TLCD5: variants seen among roughly 807,000 people sequenced by gnomAD.
TLCD5 encodes TLC domain containing 5.
TLCD5 carries 15 observed loss-of-function variants against 20.5 expected under a neutral mutation model. That is an observed-to-expected ratio of 0.73 (90% CI 0.49 to 1.13). The LOEUF (loss-of-function observed/expected upper bound fraction) is 1.13, where lower values mean the gene tolerates loss of function less well. Ranked by LOEUF, TLCD5 falls within the 50% of genes most tolerant of loss-of-function variation. The probability of loss-of-function intolerance (pLI) is 0.00; values close to 1 mark genes in which losing one functional copy is unlikely to be tolerated. For missense variants in TLCD5, 289 were observed against 305.6 expected (o/e 0.95, Z 0.41); for synonymous variants, 107 against 114.7 (o/e 0.93, Z 0.43).
At chr11:120,328,470 T>C (rs1476963017) in intron 2 of TLCD5, among the ~76,000 whole-genome samples, 1 of 152,168 alleles carries the variant, frequency 6.6e-6, no homozygotes, top group East Asian at 1.9e-4. Context: ...CAGATGTTCA[T>C]TTTCTTAAAA....
chr11:120,326,961 T>C (rs1942014677), intron 1 of TLCD5, among the ~76,000 whole-genome samples: 2 of 152,240 alleles, frequency 1.3e-5, no homozygotes, highest in Admixed American at 6.5e-5. Flanking sequence ...GAATTTAGTA[T>C]CAGCTTAAAA....
chr11:120,330,640 C>A lies in TLCD5; in HGVS notation c.*125C>A. ...TCAATAAAGGGCTAAATGTATTGAT[C>A]AATTTGGTCAGTCTTCAAGCCGAGC... On this transcript the variant is annotated 3_prime_UTR_variant, in exon 3 of 3. Coordinates refer to ENST00000375095, the MANE Select transcript of TLCD5 (RefSeq NM_001198671.2). 1 of 1,142,970 alleles carries A rather than the reference C, an allele frequency of 8.7e-7. No homozygotes were observed. Among genetic ancestry groups the A allele is most frequent in the Non-Finnish European group, 1.2e-6 (1 of 830,982 alleles). The allele number at this position is 1,142,970 out of a possible 1,614,324, so 70.8% of individuals were successfully genotyped here. A position where few individuals can be genotyped will look rare whatever the true frequency, so the allele number is the denominator to read the frequency against.
intron 1 of TLCD5, 99 bp from the exon 2 acceptor site, chr11:120,327,342 T>C (rs985971286): frequency 8.2e-6 from 13 of 1,581,368 alleles, no homozygotes; most frequent in Admixed American, 1.8e-5. Flanking sequence ...ATTTTTGAAC[T>C]ATTCTATAAT....
intron 2 of TLCD5, among the ~76,000 whole-genome samples, chr11:120,328,924 GTGTGTGTGTGTGTGTGTGTGTT>G (rs1942078714): frequency 5.6e-5 from 8 of 143,470 alleles, no homozygotes; most frequent in East Asian, 2.0e-4. Context: ...CATAGTGTGT[GTGTGTGTGTGTGTGTGTGTGTT>G]TGTGTATGTT....
In TLCD5 at chr11:120,330,549, G is replaced by A. The variant is rs758077791; in HGVS notation, c.*34G>A. ...TGCTCCAGATTATGGATTGGGTTAA[G>A]TCAGCCATGGGAACCAGGTTGGAAA... On this transcript the variant is annotated 3_prime_UTR_variant, in exon 3 of 3. Coordinates refer to ENST00000375095, the MANE Select transcript of TLCD5 (RefSeq NM_001198671.2). The A allele has an allele frequency of 1.9e-6, 3 of 1,573,308 alleles. No homozygotes were observed. Among genetic ancestry groups the A allele is most frequent in the Non-Finnish European group, 2.6e-6 (3 of 1,159,470 alleles).
In TLCD5 at chr11:120,330,090, C is replaced by T. The variant is rs1400200591; in HGVS notation, c.313C>T (p.His105Tyr). ...FQSEGALMLA[H>Y]HTLSILGIIM... ...GTCTGAGGGTGCCTTGATGCTGGCT[C>T]ATCACACATTGAGTATCTTGGGCAT... Residue 105 changes from histidine (H) to tyrosine (Y), a missense_variant, in exon 3 of 3, where the codon CAT becomes TAT. His to Tyr is a moderately conservative substitution (Grantham distance 83). Coordinates refer to ENST00000375095, the MANE Select transcript of TLCD5 (RefSeq NM_001198671.2). The T allele has an allele frequency of 6.2e-7, 1 of 1,614,170 alleles. No individual in the cohort carries two copies. The highest frequency in any genetic ancestry group is 8.5e-7 in the Non-Finnish European group (1 of 1,180,028).
chr11:120,327,365 A>G (rs1942024322), intron 1 of TLCD5, 76 bp from the exon 2 acceptor site: 4 of 1,611,268 alleles, frequency 2.5e-6, no homozygotes, highest in East Asian at 4.5e-5. Flanking sequence ...AAATGAGGAT[A>G]TATACACAAA....
Position 120,329,982 on chromosome 11 carries a change from C to A in TLCD5, c.205C>A (p.Pro69Thr). The A allele has an allele frequency of 6.2e-7, 1 of 1,611,926 alleles. No homozygotes were observed. Among genetic ancestry groups the A allele is most frequent in the South Asian group, 1.1e-5 (1 of 90,650 alleles). ...GPWPFTHPGS[P>T]NTPLQVHVLC... The stretch of plus-strand genomic sequence containing the variant: ...TCTGTCTTGGTTTGTTTCAGGCTCA[C>A]CCAATACACCTCTCCAAGTTCATGT... Residue 69 changes from proline (P) to threonine (T), a missense_variant, in exon 3 of 3, where the codon CCC becomes ACC. By Grantham distance (38) the Pro-to-Thr change is conservative. Coordinates refer to ENST00000375095, the MANE Select transcript of TLCD5 (RefSeq NM_001198671.2).
rs894693895 is a variant in TLCD5 at position 120,332,514 on chromosome 11, G to C, written c.*1999G>C. 1 of 152,258 alleles carries C rather than the reference G, an allele frequency of 6.6e-6. No homozygotes were observed. The highest frequency in any genetic ancestry group is 1.5e-5 in the Non-Finnish European group (1 of 68,206). 9.4% of individuals were successfully genotyped at this position (152,258 alleles called of 1,614,324 possible). On this transcript the variant is annotated 3_prime_UTR_variant, in exon 3 of 3. Coordinates refer to ENST00000375095, the MANE Select transcript of TLCD5 (RefSeq NM_001198671.2). The surrounding 1 kb of genome is among the most constrained non-coding windows in gnomAD (Gnocchi z 4.2). ...CACTGGTAATCTAACGTAATGAATG[G>C]TGTCTTTTGTTGTTGTTGTTGTTGT...
Position 120,333,648 on chromosome 11 carries a change from C to T in TLCD5, c.*3133C>T, listed in dbSNP as rs557831490. The T allele has an allele frequency of 1.8e-4, 27 of 152,196 alleles. No individual in the cohort carries two copies. Among genetic ancestry groups the T allele is most frequent in the African/African-American group, 6.3e-4 (26 of 41,522 alleles). 9.4% of individuals were successfully genotyped at this position (152,196 alleles called of 1,614,324 possible). A position where few individuals can be genotyped will look rare whatever the true frequency, so the allele number is the denominator to read the frequency against. On this transcript the variant is annotated 3_prime_UTR_variant, in exon 3 of 3. Transcript: ENST00000375095. The surrounding 1 kb of genome is among the most constrained non-coding windows in gnomAD (Gnocchi z 4.5). Reference sequence around the variant, plus strand: ...GATTTATATTTCCATAAGATTTGTACTAAATTTTATAAAAGTAAAACAACT... The same window carrying T: ...GATTTATATTTCCATAAGATTTGTATTAAATTTTATAAAAGTAAAACAACT...
rs767430831 is a variant in TLCD5 at position 120,330,512 on chromosome 11, C to T, written c.735C>T (p.His245=). The change falls in exon 3 of 3, where the codon CAC becomes CAT. Residue 245 remains histidine, a synonymous_variant. Transcript: ENST00000375095. ...QLKHNGHLKI[H] Reference sequence around the variant, plus strand: ...AACACAACGGACATCTCAAAATACACTAGCCAAGGCTTGCTCCAGATTATG... The same window carrying T: ...AACACAACGGACATCTCAAAATACATTAGCCAAGGCTTGCTCCAGATTATG... The T allele has an allele frequency of 1.2e-6, 2 of 1,605,876 alleles. No homozygotes were observed. Among genetic ancestry groups the T allele is most frequent in the African/African-American group, 2.7e-5 (2 of 74,836 alleles).
Position 120,330,603 on chromosome 11 carries a change from C to T in TLCD5, c.*88C>T. 7.0e-7 allele frequency: 1 copy of T among 1,427,158 alleles called. No individual in the cohort carries two copies. The highest frequency in any genetic ancestry group is 9.3e-7 in the Non-Finnish European group (1 of 1,071,136). 88.4% of individuals were successfully genotyped at this position (1,427,158 alleles called of 1,614,324 possible). A position where few individuals can be genotyped will look rare whatever the true frequency, so the allele number is the denominator to read the frequency against. ...GACTGTTACATAATTACACTTATAA[C>T]AAACTTAGGTTTCAATAAAGGGCTA... On this transcript the variant is annotated 3_prime_UTR_variant, in exon 3 of 3. Coordinates refer to ENST00000375095, the MANE Select transcript of TLCD5 (RefSeq NM_001198671.2).
At position 120,330,056 on chromosome 11, in the gene TLCD5, C is replaced by A. The variant is rs1475192276; in HGVS notation, c.279C>A (p.Val93=). The part of the protein sequence containing the change: ...GYFIFDLGWC[V]YFQSEGALML... ...TCATCTTCGACTTGGGCTGGTGCGT[C>A]TACTTTCAGTCTGAGGGTGCCTTGA... The change falls in exon 3 of 3, where the codon GTC becomes GTA. Residue 93 remains valine, a synonymous_variant. Coordinates refer to ENST00000375095, the MANE Select transcript of TLCD5 (RefSeq NM_001198671.2). 6.2e-7 allele frequency: 1 copy of A among 1,614,196 alleles called. No individual in the cohort carries two copies. The highest frequency in any genetic ancestry group is 8.5e-7 in the Non-Finnish European group (1 of 1,180,038).
At chr11:120,327,763 C>T (rs1197421195) in intron 2 of TLCD5, 123 bp downstream of exon 2, 9 of 970,964 alleles carry the variant, frequency 9.3e-6, no homozygotes, top group Non-Finnish European at 1.3e-5. Context: ...TATTGGAATC[C>T]TTATTCTTCT....
chr11:120,328,952 A>ATG (rs1942082314), intron 2 of TLCD5, among the ~76,000 whole-genome samples: 2 of 26,628 alleles, frequency 7.5e-5, no homozygotes, highest in African/African-American at 1.7e-4. Flanking sequence ...GTGTTTGTGT[A>ATG]TGTTTATGTA....
rs1942172252 is a variant in TLCD5, at chr11:120,332,290, A to C, written c.*1775A>C. On this transcript the variant is annotated 3_prime_UTR_variant, in exon 3 of 3. Transcript: ENST00000375095. The surrounding 1 kb of genome is among the most constrained non-coding windows in gnomAD (Gnocchi z 4.2). ...ATACCCTGTAGTATATTTCATAAAT[A>C]CATTATGTGGCATTTTATTAATGGA... 1 of 152,240 alleles carries C rather than the reference A, an allele frequency of 6.6e-6. No individual in the cohort carries two copies. The highest frequency in any genetic ancestry group is 2.4e-5 in the African/African-American group (1 of 41,456). 9.4% of individuals were successfully genotyped at this position (152,240 alleles called of 1,614,324 possible). A position where few individuals can be genotyped will look rare whatever the true frequency, so the allele number is the denominator to read the frequency against.
chr11:120,330,466 G>A lies in TLCD5; in HGVS notation c.689G>A (p.Arg230Gln), dbSNP rs991960155. ...AAGTACCATGCTTGGAGAAGCAGGC[G>A]GAGTGAGGAACGGCAGCTGAAACAC... is the stretch of plus-strand genomic sequence containing the variant. ...IKKYHAWRSR[R>Q]SEERQLKHNG... The change falls in exon 3 of 3, where the codon CGG becomes CAG. Residue 230 changes from arginine to glutamine, a missense_variant. By Grantham distance (43) the Arg-to-Gln change is conservative. Transcript: ENST00000375095. 1.1e-5 allele frequency: 17 copies of A among 1,613,972 alleles called. No homozygotes were observed. The highest frequency in any genetic ancestry group is 5.5e-5 in the South Asian group (5 of 91,062).
rs1942160916 is a variant in TLCD5 at position 120,331,872 on chromosome 11, C to T, written c.*1357C>T. On this transcript the variant is annotated 3_prime_UTR_variant, in exon 3 of 3. Coordinates refer to ENST00000375095, the MANE Select transcript of TLCD5 (RefSeq NM_001198671.2). This position sits in a 1 kb window ranked among gnomAD's most constrained non-coding sequence, Gnocchi z 4.5. Reference sequence around the variant, plus strand: ...GTGCTTGAGATGGCAGTTTAGATTTCAGCTCTGCTGTACATATTGCAAACT... The same window carrying T: ...GTGCTTGAGATGGCAGTTTAGATTTTAGCTCTGCTGTACATATTGCAAACT... 6.6e-6 allele frequency: 1 copy of T among 152,180 alleles called. No homozygotes were observed. Among genetic ancestry groups the T allele is most frequent in the South Asian group, 2.1e-4 (1 of 4,830 alleles). The allele number at this position is 152,180 out of a possible 1,614,324, so 9.4% of individuals were successfully genotyped here.
Position 120,327,595 on chromosome 11 carries a change from G to T in TLCD5, c.154G>T (p.Ala52Ser). The T allele has an allele frequency of 6.2e-7, 1 of 1,614,106 alleles. No individual in the cohort carries two copies. The highest frequency in any genetic ancestry group is 8.5e-7 in the Non-Finnish European group (1 of 1,180,030). The part of the protein sequence containing the change: ...THGVLSIGLS[A>S]YIGFIDGPWP... ...TGGAGTCCTCTCTATAGGCCTCTCC[G>T]CTTATATTGGCTTCATTGATGGCCC... The change falls in exon 2 of 3, where the codon GCT (alanine) becomes TCT (serine). Residue 52 changes from alanine to serine, a missense_variant. Physicochemically the swap from Ala to Ser is moderately conservative, Grantham distance 99 (BLOSUM62 1). Transcript: ENST00000375095.
Sources: allele counts gnomAD v4.1 joint callset (sites outside exome capture counted in the v4.1 genomes callset), GRCh38; gene constraint gnomAD v4.1.1; non-coding constraint Gnocchi (gnomAD v3.1); transcripts MANE v1.5; gene names NCBI Gene and HGNC (gene_info 2026-07-23, HGNC 2026-07-21).